The following ZFHX3 variants were observed in gnomAD, a reference collection of about 807,000 sequenced individuals.
The protein encoded by ZFHX3 is zinc finger homeobox protein 3.
A neutral mutation model predicts 279.1 loss-of-function variants in ZFHX3; 42 were observed. That is an observed-to-expected ratio of 0.15 (90% CI 0.12 to 0.19). The LOEUF is 0.19. ZFHX3 is among the 10% of genes least tolerant of loss of function. ZFHX3 has a pLI of 1.00. For missense variants in ZFHX3, 4,981 were observed against 4,754.0 expected, an observed-to-expected ratio of 1.05 and a Z score of -1.40; for synonymous variants, 2,293 against 1,957.8, an observed-to-expected ratio of 1.17 and a Z score of -4.52.
At chr16:73,327,606 G>C (rs1398762996) in intron 3 of ZFHX3, among the ~76,000 whole-genome samples, 1 of 152,148 alleles carries the variant, frequency 6.6e-6, no homozygotes, top group Non-Finnish European at 1.5e-5. Context: ...ACCTAAATTG[G>C]ACTTCATTCT....
chr16:73,417,761 G>C (rs955223292), intron 3 of ZFHX3, among the ~76,000 whole-genome samples: 1 of 151,204 alleles, frequency 6.6e-6, no homozygotes, highest in South Asian at 2.1e-4. Flanking sequence ...TCACGAGGTT[G>C]GGATATCGAG....
chr16:73,441,021 G>C (rs543298407), intron 3 of ZFHX3, among the ~76,000 whole-genome samples: 1 of 152,130 alleles, frequency 6.6e-6, no homozygotes, highest in South Asian at 2.1e-4. Context: ...ATTTCTGTTT[G>C]GCATGCCCTG....
chr16:73,375,694 A>T (rs1157605317), intron 3 of ZFHX3, among the ~76,000 whole-genome samples: 2 of 152,196 alleles, frequency 1.3e-5, no homozygotes, highest in Admixed American at 6.5e-5. Flanking sequence ...CATGCTAAAA[A>T]ATCTCAATTA....
chr16:72,848,472 C>T (rs1051385800), intron 4 of ZFHX3, among the ~76,000 whole-genome samples: 11 of 152,110 alleles, frequency 7.2e-5, no homozygotes, highest in Admixed American at 3.9e-4. Context: ...AAGGAAACTC[C>T]GCTGTGGAGT....
Position 72,867,409 on chromosome 16 carries a change from A to G in ZFHX3, c.3448+22322T>C, listed in dbSNP as rs767309897. On this transcript the variant is annotated intron_variant, in intron 4 of 9. Coordinates refer to ENST00000268489, the MANE Select transcript of ZFHX3 (RefSeq NM_006885.4). ...TGAGCAGGAAGATGAGAACGATTTT[A>G]TAAGTGTGTCCCCTTCTATCTGGAA... Among the ~76,000 whole-genome samples the G allele has an allele frequency of 5.3e-5, 8 of 152,338 alleles. No homozygotes were observed. The South Asian group carries it at 8.3e-4, about 16-fold the overall frequency.
chr16:73,391,938 G>C (rs1482575239), intron 3 of ZFHX3, among the ~76,000 whole-genome samples: 1 of 152,146 alleles, frequency 6.6e-6, no homozygotes, highest in Non-Finnish European at 1.5e-5. Context: ...TTTGGGAAAA[G>C]AAGAGTAAAC....
chr16:73,115,410 G>T (rs1268523001), intron 7 of ZFHX3, among the ~76,000 whole-genome samples: 1 of 151,260 alleles, frequency 6.6e-6, no homozygotes, highest in Non-Finnish European at 1.5e-5. Flanking sequence ...TCAGCTGGGT[G>T]TGGTGGCGTG....
intron 1 of ZFHX3, among the ~76,000 whole-genome samples, chr16:73,722,200 C>A (rs1211936524): frequency 6.6e-6 from 1 of 152,172 alleles, no homozygotes; most frequent in African/African-American, 2.4e-5. Flanking sequence ...AACCTACATC[C>A]TAATGGAGCA....
rs200174556 is a variant in ZFHX3, at chr16:73,131,346, T to TA, written c.-1023-253dup. Among the ~76,000 whole-genome samples the TA allele has an allele frequency of 1.1e-3, 171 of 152,320 alleles. 3 individuals are homozygous for TA. In the East Asian group the frequency reaches 0.027, roughly 24 times the overall value. On this transcript the variant is annotated intron_variant, in intron 6 of 17. Coordinates refer to the ZFHX3 transcript ENST00000641206. ...CAGAGTGCTTTATGTACATGACTCA[T>TA]ACAATCTTTCATTCAACCCTATGGA...
rs560592397 is a variant in ZFHX3 at position 73,768,906 on chromosome 16, A to C, written c.-1607-88666T>G. Among the ~76,000 whole-genome samples, 9 of 152,300 alleles carry C rather than the reference A, an allele frequency of 5.9e-5. No individual in the cohort carries two copies. In the East Asian group the frequency reaches 1.7e-3, roughly 29 times the overall value. On this transcript the variant is annotated intron_variant, in intron 1 of 17. Transcript: ENST00000641206. ...GCTGAGGGAAAGGAAGAGTGAACCC[A>C]CATACCAGAAACCTACTTTATCTCG... is the stretch of plus-strand genomic sequence containing the variant.
chr16:72,789,705 C>T (rs2035614902), intron 9 of ZFHX3: 1 of 152,244 alleles, frequency 6.6e-6, no homozygotes, highest in Admixed American at 6.5e-5. Context: ...AAAATTGCTT[C>T]CATGCCTTGG....
chr16:73,078,846 A>T (rs1166422212), intron 8 of ZFHX3, among the ~76,000 whole-genome samples: 5 of 151,704 alleles, frequency 3.3e-5, no homozygotes, highest in Admixed American at 3.3e-4. Context: ...GGGTTTCACC[A>T]TCTTAGCCAG....
intron 5 of ZFHX3, among the ~76,000 whole-genome samples, chr16:73,175,750 A>T (rs537646515): frequency 1.3e-5 from 2 of 152,134 alleles, no homozygotes; most frequent in African/African-American, 4.8e-5. Flanking sequence ...TCAAGTTTAC[A>T]TGTTAACTCT....
At chr16:73,031,259 C>T (rs1043151613) in intron 1 of ZFHX3, among the ~76,000 whole-genome samples, 5 of 151,814 alleles carry the variant, frequency 3.3e-5, no homozygotes, top group East Asian at 1.9e-4. Flanking sequence ...CCCAGGTAGC[C>T]GACCAAAAAA....
intron 2 of ZFHX3, among the ~76,000 whole-genome samples, chr16:73,481,215 G>C (rs2018858898): frequency 6.6e-6 from 1 of 152,000 alleles, no homozygotes; most frequent in Non-Finnish European, 1.5e-5. Flanking sequence ...TGTAATCCCA[G>C]CTACTTGGAA....
At chr16:73,161,981 A>ATTG (rs1449621707) in intron 5 of ZFHX3, among the ~76,000 whole-genome samples, 1 of 152,260 alleles carries the variant, frequency 6.6e-6, no homozygotes, top group Non-Finnish European at 1.5e-5. Flanking sequence ...GGAACAGCCC[A>ATTG]TTGTTATAAT....
intron 4 of ZFHX3, among the ~76,000 whole-genome samples, chr16:73,308,992 G>T (rs1233124871): frequency 1.3e-5 from 2 of 152,074 alleles, no homozygotes; most frequent in African/African-American, 4.8e-5. Context: ...CCTCCTGGTA[G>T]GGTTTATATA....
intron 3 of ZFHX3, among the ~76,000 whole-genome samples, chr16:73,372,960 C>T (rs532457909): frequency 6.6e-6 from 1 of 152,156 alleles, no homozygotes; most frequent in African/African-American, 2.4e-5. Flanking sequence ...CCCAATCCCA[C>T]CCCTAATGAC....
At chr16:72,915,905 T>A (rs2039430502) in intron 3 of ZFHX3, among the ~76,000 whole-genome samples, 1 of 152,246 alleles carries the variant, frequency 6.6e-6, no homozygotes, top group South Asian at 2.1e-4. Flanking sequence ...ATTCTAAGAA[T>A]CACCCACTCT....
Sources: allele counts gnomAD v4.1 joint callset (sites outside exome capture counted in the v4.1 genomes callset), GRCh38; gene constraint gnomAD v4.1.1; transcripts MANE v1.5; gene names NCBI Gene and HGNC (gene_info 2026-07-23, HGNC 2026-07-21).